Variants in XRCC4 observed in about 807,000 individuals in gnomAD.
XRCC4 encodes the protein X-ray repair cross complementing 4.
A neutral mutation model predicts 39.1 loss-of-function variants in XRCC4; 28 were observed. The observed-to-expected ratio is 0.72, with a 90% CI of 0.53 to 0.98. The LOEUF (loss-of-function observed/expected upper bound fraction) is 0.98. XRCC4 is among the 50% of genes least tolerant of loss of function. XRCC4 has a pLI of 0.00. For synonymous variants in XRCC4, 123 were observed against 126.4 expected (o/e 0.97, Z 0.18); for missense variants, 350 against 376.4 (o/e 0.93, Z 0.58).
chr5:83,293,808 C>A (rs375645235), intron 7 of XRCC4, among the ~76,000 whole-genome samples: 2 of 152,010 alleles, frequency 1.3e-5, no homozygotes, highest in South Asian at 2.1e-4. Context: ...GTGTTTATGT[C>A]AGATCCTATA....
chr5:83,145,921 TC>T (rs1487857501), intron 3 of XRCC4, among the ~76,000 whole-genome samples: 2 of 152,046 alleles, frequency 1.3e-5, no homozygotes. Flanking sequence ...ATAGGGTTGT[TC>T]CTATGGGAAT....
downstream of XRCC4, chr5:83,356,613 G>A (rs1230503697): frequency 1.2e-5 from 4 of 326,144 alleles, no homozygotes; most frequent in Admixed American, 3.9e-5. Context: ...AATTGAAGAC[G>A]TGGTTTTTTA....
chr5:83,092,650 G>C (rs555477014), intron 1 of XRCC4, among the ~76,000 whole-genome samples: 1 of 152,122 alleles, frequency 6.6e-6, no homozygotes, highest in Non-Finnish European at 1.5e-5. Context: ...ACATAAGATG[G>C]CTGGGTAAAG....
chr5:83,206,979 T>C (rs1751445937), intron 6 of XRCC4, among the ~76,000 whole-genome samples: 1 of 152,180 alleles, frequency 6.6e-6, no homozygotes, highest in South Asian at 2.1e-4. Context: ...AGATTTGAAT[T>C]GGATTACACA....
At chr5:83,144,648 A>T (rs941610982) in intron 3 of XRCC4, among the ~76,000 whole-genome samples, 3 of 131,772 alleles carry the variant, frequency 2.3e-5, no homozygotes, top group Non-Finnish European at 4.6e-5. Context: ...TATTATTTTT[A>T]AAATGCTTTT....
intron 3 of XRCC4, among the ~76,000 whole-genome samples, chr5:83,165,870 T>C (rs919627278): frequency 1.3e-5 from 2 of 148,732 alleles, no homozygotes; most frequent in Non-Finnish European, 3.0e-5. Flanking sequence ...TTTTTCTTTT[T>C]CTTTTCTTTT....
At chr5:83,107,670 T>G (rs1176544040) in intron 2 of XRCC4, among the ~76,000 whole-genome samples, 1 of 151,890 alleles carries the variant, frequency 6.6e-6, no homozygotes, top group Non-Finnish European at 1.5e-5. Context: ...GAATTCCTAT[T>G]GGCAGTAGGA....
chr5:83,117,461 A>C (rs985283880), intron 3 of XRCC4, among the ~76,000 whole-genome samples: 1 of 152,206 alleles, frequency 6.6e-6, no homozygotes, highest in Non-Finnish European at 1.5e-5. Context: ...TTTCTTTAGA[A>C]AAATATTCAT....
At chr5:83,109,108 C>T (rs1746331894) in intron 2 of XRCC4, among the ~76,000 whole-genome samples, 1 of 151,754 alleles carries the variant, frequency 6.6e-6, no homozygotes, top group South Asian at 2.1e-4. Context: ...GCAAGACTCC[C>T]TTTTTCATTA....
intron 3 of XRCC4, among the ~76,000 whole-genome samples, chr5:83,163,616 A>G (rs1458921939): frequency 1.3e-5 from 2 of 152,228 alleles, no homozygotes; most frequent in Admixed American, 6.5e-5. Context: ...TAATATCCAA[A>G]TGATGAGCAA....
intron 3 of XRCC4, among the ~76,000 whole-genome samples, chr5:83,194,357 C>G (rs1490927688): frequency 6.6e-6 from 1 of 152,120 alleles, no homozygotes; most frequent in Non-Finnish European, 1.5e-5. Flanking sequence ...GTAAAACTTT[C>G]TTATTTAAGC....
At chr5:83,258,943 C>A in intron 7 of XRCC4, 1 of 351,978 alleles carries the variant, frequency 2.8e-6, no homozygotes, top group East Asian at 7.5e-5. Flanking sequence ...ATGTAGGATA[C>A]AAAAAATATT....
At chr5:83,223,856 A>G (rs949885835) in intron 6 of XRCC4, among the ~76,000 whole-genome samples, 2 of 106,184 alleles carry the variant, frequency 1.9e-5, no homozygotes, top group Non-Finnish European at 3.5e-5. Flanking sequence ...GACAGGCCCC[A>G]GTGTGTGATG....
rs542743505 is a variant in XRCC4, at chr5:83,266,504, C to T, written c.893+7827C>T. ...ATGTCAGCAAATGGAAGAAAGAAATCAGATATGAGAATAAAAGATAAACCT... is the reference window on the plus strand; with the variant it reads ...ATGTCAGCAAATGGAAGAAAGAAATTAGATATGAGAATAAAAGATAAACCT... On this transcript the variant is annotated intron_variant, in intron 7 of 7. Transcript: ENST00000396027. Among the ~76,000 whole-genome samples the T allele has an allele frequency of 8.7e-4, 131 of 151,366 alleles. No individual in the cohort carries two copies. The Middle Eastern group carries it at 0.01, about 12-fold the overall frequency.
intron 3 of XRCC4, among the ~76,000 whole-genome samples, chr5:83,187,212 G>C (rs1750491060): frequency 2.2e-5 from 1 of 45,702 alleles, no homozygotes. Flanking sequence ...CAAAGTGCTG[G>C]GATTACAGGC....
At chr5:83,095,955 C>A (rs1033472242) in intron 1 of XRCC4, among the ~76,000 whole-genome samples, 3 of 151,748 alleles carry the variant, frequency 2.0e-5, no homozygotes, top group Admixed American at 6.6e-5. Flanking sequence ...GGGATGGAGG[C>A]AGACACACCC....
intron 7 of XRCC4, among the ~76,000 whole-genome samples, chr5:83,341,248 C>G (rs1456863496): frequency 2.0e-5 from 3 of 151,958 alleles, no homozygotes; most frequent in Admixed American, 1.3e-4. Context: ...AAGTATCCCT[C>G]TCAGCTAAAA....
chr5:83,209,334 C>A (rs11949301), intron 6 of XRCC4, among the ~76,000 whole-genome samples: 100,262 of 151,882 alleles, frequency 0.66, 34,004 homozygotes, highest in East Asian at 0.96. Flanking sequence ...ATCTGCAACA[C>A]CACCACATGC....
At chr5:83,113,331 T>C (rs1269314383) in intron 3 of XRCC4, among the ~76,000 whole-genome samples, 1 of 152,224 alleles carries the variant, frequency 6.6e-6, no homozygotes, top group East Asian at 1.9e-4. Flanking sequence ...CTTGAGCAGC[T>C]CCACCCCTGT....
Sources: gnomAD v4.1 joint callset for allele counts (sites outside exome capture counted in the v4.1 genomes callset) on GRCh38, gnomAD v4.1.1 for gene constraint, MANE v1.5 for transcripts, NCBI Gene and HGNC (gene_info 2026-07-23, HGNC 2026-07-21) for gene names.